Variants in NRK observed in about 807,000 individuals in gnomAD.
NRK encodes nik-related protein kinase.
In NRK, 67 loss-of-function variants were observed where a neutral mutation model predicts 125.2. The observed-to-expected ratio is 0.54, with a 90% CI of 0.44 to 0.66. The LOEUF (loss-of-function observed/expected upper bound fraction) is 0.66. Ranked by LOEUF, NRK falls within the 30% of genes least tolerant of loss-of-function variation. NRK has a pLI of 0.00. For missense variants in NRK, 1,224 were observed against 1,192.9 expected (o/e 1.03, Z -0.38); for synonymous variants, 458 against 429.0 (o/e 1.07, Z -0.84).
At chrX:105,860,078 T>C (rs2039582470) in intron 2 of NRK, among the ~76,000 whole-genome samples, 1 of 111,344 alleles carries the variant, frequency 9.0e-6, no homozygotes, top group South Asian at 3.8e-4. Flanking sequence ...TACTTCTTTC[T>C]TGTAGGTTAT....
chrX:105,844,529 G>A (rs2039376396), intron 2 of NRK, among the ~76,000 whole-genome samples: 1 of 112,080 alleles, frequency 8.9e-6, no homozygotes, highest in Non-Finnish European at 1.9e-5. Flanking sequence ...AGGCAGATCT[G>A]AATGTCTGGA....
intron 25 of NRK, 67 bp from the exon 26 acceptor site, chrX:105,946,248 G>A: frequency 1.0e-6 from 1 of 969,917 alleles, no homozygotes; most frequent in Non-Finnish European, 1.4e-6. Context: ...AAAAGAGTGA[G>A]GGAATTTTTG....
At chrX:105,834,547 A>G (rs895044060) in intron 2 of NRK, among the ~76,000 whole-genome samples, 25 of 110,608 alleles carry the variant, frequency 2.3e-4, no homozygotes, top group African/African-American at 7.9e-4. Context: ...GTGGTTTGAC[A>G]TATTTCATTA....
chrX:105,921,804 C>T (rs757798860), intron 16 of NRK, among the ~76,000 whole-genome samples, 160 bp from the exon 17 acceptor site: 1 of 108,018 alleles, frequency 9.3e-6, no homozygotes, highest in Admixed American at 9.9e-5. Context: ...AAGATCCTGG[C>T]CCCATGAGAA....
chrX:105,944,620 C>T (rs2040789838), intron 24 of NRK, among the ~76,000 whole-genome samples: 1 of 111,122 alleles, frequency 9.0e-6, no homozygotes, highest in Non-Finnish European at 1.9e-5. Flanking sequence ...CTGAGAAAGT[C>T]CCTGTTTTCT....
At chrX:105,907,251 AAAAAT>A (rs2040232867) in intron 11 of NRK, 1 of 111,670 alleles carries the variant, frequency 9.0e-6, no homozygotes, top group Non-Finnish European at 1.9e-5. Context: ...TCAAAAAAAT[AAAAAT>A]AAAAGTACCA....
chrX:105,835,726 T>G (rs1422972787), intron 2 of NRK, among the ~76,000 whole-genome samples: 1 of 109,717 alleles, frequency 9.1e-6, no homozygotes. Flanking sequence ...CTTAAGACTT[T>G]TATTCATGAA....
At chrX:105,913,521 G>T (rs373854457) in intron 14 of NRK, among the ~76,000 whole-genome samples, 8 of 111,704 alleles carry the variant, frequency 7.2e-5, no homozygotes, top group African/African-American at 2.3e-4. Context: ...ACTGAGTGTT[G>T]TTAAATTGTC....
chrX:105,912,559 A>G (rs2040315303), intron 13 of NRK, 89 bp from the exon 14 acceptor site: 1 of 334,943 alleles, frequency 3.0e-6, no homozygotes, highest in Non-Finnish European at 5.1e-6. Context: ...TAATACATAT[A>G]AACAATTCAG....
chrX:105,874,641 C>T (rs1258303991), intron 2 of NRK, among the ~76,000 whole-genome samples: 1 of 111,926 alleles, frequency 8.9e-6, no homozygotes, highest in African/African-American at 3.2e-5. Flanking sequence ...TAAAAGCAGG[C>T]ACATATACCT....
chrX:105,849,431 T>C (rs941482160), intron 2 of NRK, among the ~76,000 whole-genome samples: 2 of 111,078 alleles, frequency 1.8e-5, no homozygotes, highest in South Asian at 7.7e-4. Context: ...CCAAATCTCA[T>C]GTCCTCACAT....
chrX:105,849,117 T>A (rs1317605526), intron 2 of NRK, among the ~76,000 whole-genome samples: 1 of 111,694 alleles, frequency 9.0e-6, no homozygotes, highest in Non-Finnish European at 1.9e-5. Context: ...AGTGGTTTAA[T>A]TGGACTTACA....
rs766308277 is a variant in NRK, at chrX:105,909,069, G to A, written c.1428G>A (p.Arg476=). The A allele has an allele frequency of 4.1e-6, 5 of 1,210,943 alleles. No individual in the cohort carries two copies. The South Asian group carries it at 8.8e-5, about 21-fold the overall frequency. Residue 476 remains arginine (R), a synonymous_variant, in exon 13 of 29, where the codon AGG becomes AGA. Coordinates refer to ENST00000243300, the MANE Select transcript of NRK (RefSeq NM_198465.4). ...CTCCACGACTACGGAGGGCAGCCAG[G>A]GTGCTCATGCCACTACAGGCACAGG... ...KAPPRLRRAA[R]VLMPLQAQVR...
At chrX:105,952,897 G>T in intron 27 of NRK, 137 bp from the exon 28 acceptor site, 1 of 486,093 alleles carries the variant, frequency 2.1e-6, no homozygotes, top group Non-Finnish European at 3.1e-6. Context: ...ACTGACTACA[G>T]GAGGGAAAAA....
At chrX:105,890,637 G>A (rs2040004784) in intron 5 of NRK, among the ~76,000 whole-genome samples, 1 of 112,144 alleles carries the variant, frequency 8.9e-6, no homozygotes, top group Admixed American at 9.5e-5. Flanking sequence ...ATGGTGGCAG[G>A]CAAGACAGCA....
chrX:105,832,844 A>G (rs1230785927), intron 2 of NRK, among the ~76,000 whole-genome samples: 2 of 109,960 alleles, frequency 1.8e-5, no homozygotes, highest in East Asian at 2.9e-4. Flanking sequence ...CAACAAAACA[A>G]GACCCCAGCT....
At chrX:105,854,342 C>G (rs1428662913) in intron 2 of NRK, among the ~76,000 whole-genome samples, 1 of 111,843 alleles carries the variant, frequency 8.9e-6, no homozygotes, top group Admixed American at 9.5e-5. Flanking sequence ...AGTTGTTTGA[C>G]TAGGTTGTAA....
At chrX:105,833,309 T>C (rs1289720118) in intron 2 of NRK, among the ~76,000 whole-genome samples, 1 of 111,889 alleles carries the variant, frequency 8.9e-6, no homozygotes, top group Non-Finnish European at 1.9e-5. Context: ...ATTTAATATT[T>C]GTGCGATCTA....
intron 20 of NRK, among the ~76,000 whole-genome samples, chrX:105,934,842 G>T (rs749282662): frequency 4.5e-5 from 5 of 111,452 alleles, no homozygotes; most frequent in Admixed American, 1.9e-4. Context: ...ATAAGATCTC[G>T]CTCTGTCACT....
Sources: gnomAD v4.1 joint callset for allele counts (sites outside exome capture counted in the v4.1 genomes callset) on GRCh38, gnomAD v4.1.1 for gene constraint, MANE v1.5 for transcripts, NCBI Gene and HGNC (gene_info 2026-07-23, HGNC 2026-07-21) for gene names.